The following GRM7 variants were observed in gnomAD, a reference collection of about 807,000 sequenced individuals.
GRM7 encodes glutamate metabotropic receptor 7.
GRM7 carries 35 observed loss-of-function variants against 84.5 expected under a neutral mutation model. The observed-to-expected ratio is 0.41, with a 90% CI of 0.32 to 0.55. The LOEUF is 0.55. Ranked by LOEUF, GRM7 falls within the 20% of genes least tolerant of loss-of-function variation. The probability of loss-of-function intolerance (pLI) is 0.19; values close to 1 mark genes in which losing one functional copy is unlikely to be tolerated. For missense variants in GRM7, 1,003 were observed against 1,194.6 expected (o/e 0.84, Z 2.36); for synonymous variants, 487 against 455.1 (o/e 1.07, Z -0.89).
chr3:7,202,810 T>G (rs1696109993), intron 2 of GRM7, among the ~76,000 whole-genome samples: 1 of 152,234 alleles, frequency 6.6e-6, no homozygotes, highest in Admixed American at 6.5e-5. Context: ...TTTATGAAAC[T>G]TTGAGCCTCT....
chr3:7,094,024 T>C (rs1334608337), intron 1 of GRM7, among the ~76,000 whole-genome samples: 4 of 152,154 alleles, frequency 2.6e-5, no homozygotes, highest in Non-Finnish European at 4.4e-5. Flanking sequence ...CTTTAATTAC[T>C]CTCTTTTACT....
chr3:7,420,812 A>T (rs1459010653), intron 5 of GRM7, among the ~76,000 whole-genome samples: 1 of 152,160 alleles, frequency 6.6e-6, no homozygotes, highest in Non-Finnish European at 1.5e-5. Flanking sequence ...AAGGTATATA[A>T]CTTTGAGGAT....
intron 1 of GRM7, among the ~76,000 whole-genome samples, chr3:6,983,421 C>T (rs929939367): frequency 1.3e-5 from 2 of 152,052 alleles, no homozygotes; most frequent in African/African-American, 4.8e-5. Flanking sequence ...AAGGAAACTT[C>T]AGGGGATGAA....
chr3:7,051,505 T>C (rs1318115727), intron 1 of GRM7, among the ~76,000 whole-genome samples: 1 of 151,830 alleles, frequency 6.6e-6, no homozygotes, highest in Non-Finnish European at 1.5e-5. Flanking sequence ...CTAAAGAGAC[T>C]CTAGCTGTGG....
intron 1 of GRM7, among the ~76,000 whole-genome samples, chr3:6,878,158 T>C (rs530363841): frequency 8.5e-5 from 13 of 152,322 alleles, no homozygotes; most frequent in African/African-American, 3.1e-4. Context: ...GAAAGTTTAA[T>C]TATTTAAATT....
At chr3:7,558,851 G>A (rs535941650) in intron 7 of GRM7, among the ~76,000 whole-genome samples, 2 of 152,226 alleles carry the variant, frequency 1.3e-5, no homozygotes, top group East Asian at 3.9e-4. Context: ...AAAGCAATCT[G>A]TAAGGTTATA....
chr3:6,938,060 G>T (rs143568921), intron 1 of GRM7, among the ~76,000 whole-genome samples: 1 of 152,252 alleles, frequency 6.6e-6, no homozygotes, highest in African/African-American at 2.4e-5. Context: ...CACAAGTTAG[G>T]TTGTCTGACT....
In GRM7 at chr3:6,862,773, A is replaced by G; in HGVS notation, c.519+866A>G. On this transcript the variant is annotated intron_variant, in intron 1 of 9. Coordinates refer to ENST00000357716, the MANE Select transcript of GRM7 (RefSeq NM_000844.4). The surrounding 1 kb of genome is among the most constrained non-coding windows in gnomAD (Gnocchi z 5.2). ...CTCCCTGACGCAGACCCCAAGCCAA[A>G]TCCTCGGCTTGGAGGACGATTCCCG... 1 of 320,902 alleles carries G rather than the reference A, an allele frequency of 3.1e-6. No individual in the cohort carries two copies. Among genetic ancestry groups the G allele is most frequent in the Non-Finnish European group, 6.2e-6 (1 of 161,262 alleles). 19.9% of individuals were successfully genotyped at this position (320,902 alleles called of 1,614,324 possible). A position where few individuals can be genotyped will look rare whatever the true frequency, so the allele number is the denominator to read the frequency against.
At chr3:7,057,538 A>G (rs944109710) in intron 1 of GRM7, among the ~76,000 whole-genome samples, 1 of 151,964 alleles carries the variant, frequency 6.6e-6, no homozygotes, top group Non-Finnish European at 1.5e-5. Context: ...TTTTCAACAA[A>G]TCAAATGTTT....
chr3:7,398,417 A>G (rs1184174995), intron 4 of GRM7, among the ~76,000 whole-genome samples: 1 of 152,208 alleles, frequency 6.6e-6, no homozygotes, highest in Non-Finnish European at 1.5e-5. Flanking sequence ...CACAGAAATT[A>G]GAGAAACAAA....
intron 7 of GRM7, among the ~76,000 whole-genome samples, chr3:7,503,698 T>C (rs555404080): frequency 6.6e-6 from 1 of 152,316 alleles, no homozygotes; most frequent in East Asian, 1.9e-4. Flanking sequence ...GGCATGTTTG[T>C]CACTGTTGTT....
intron 2 of GRM7, among the ~76,000 whole-genome samples, chr3:7,260,933 G>A (rs1453674077): frequency 6.6e-6 from 1 of 152,040 alleles, no homozygotes; most frequent in Admixed American, 6.6e-5. Context: ...GTTCTCATTA[G>A]TTTCAAAGAA....
chr3:7,656,518 A>ATATATATATATATAT (rs1298850673), intron 8 of GRM7, among the ~76,000 whole-genome samples: 2 of 93,284 alleles, frequency 2.1e-5, no homozygotes, highest in South Asian at 3.4e-4. Context: ...AACAAATAAA[A>ATATATATATATATAT]AAAAATATAT....
intron 2 of GRM7, among the ~76,000 whole-genome samples, chr3:7,292,394 C>T (rs1699663340): frequency 6.6e-6 from 1 of 152,124 alleles, no homozygotes; most frequent in Non-Finnish European, 1.5e-5. Context: ...AGATAACTAT[C>T]TTGTCATTTA....
intron 1 of GRM7, among the ~76,000 whole-genome samples, chr3:7,121,847 G>A (rs1693234866): frequency 6.6e-6 from 1 of 152,146 alleles, no homozygotes; most frequent in Non-Finnish European, 1.5e-5. Context: ...TGCAAGGTGG[G>A]GCCTCAAAAG....
chr3:7,291,534 C>A (rs889652232), intron 2 of GRM7, among the ~76,000 whole-genome samples: 6 of 135,532 alleles, frequency 4.4e-5, no homozygotes, highest in East Asian at 2.1e-4. Context: ...CTCTCTCTCT[C>A]TCTCTCTCTC....
intron 9 of GRM7, among the ~76,000 whole-genome samples, chr3:7,694,656 A>T (rs1700948928): frequency 6.6e-6 from 1 of 152,196 alleles, no homozygotes; most frequent in Non-Finnish European, 1.5e-5. Context: ...CTCAGTTTTC[A>T]TTTAATTTCA....
In GRM7 at chr3:6,874,364, C is replaced by T. The variant is rs1347988773; in HGVS notation, c.519+12457C>T. ...TCGTTTATATGAAAAGCCTCAGGAG[C>T]CCAGAAGTCTTTAAACTGTACCCCC... On this transcript the variant is annotated intron_variant, in intron 1 of 9. Transcript: ENST00000357716. Among the ~76,000 whole-genome samples, 3 of 152,124 alleles carry T rather than the reference C, an allele frequency of 2.0e-5. No homozygotes were observed. The East Asian group carries it at 5.8e-4, about 29-fold the overall frequency.
intron 1 of GRM7, among the ~76,000 whole-genome samples, chr3:6,948,945 G>A (rs2125066249): frequency 6.6e-6 from 1 of 152,298 alleles, no homozygotes; most frequent in East Asian, 1.9e-4. Flanking sequence ...GAGCTTATGT[G>A]TGTCTCTGCA....
Sources: allele counts gnomAD v4.1 joint callset (sites outside exome capture counted in the v4.1 genomes callset), GRCh38; gene constraint gnomAD v4.1.1; non-coding constraint Gnocchi (gnomAD v3.1); transcripts MANE v1.5; gene names NCBI Gene and HGNC (gene_info 2026-07-23, HGNC 2026-07-21).